Variants in LAMA4 observed in about 807,000 individuals in gnomAD.
LAMA4 encodes laminin subunit alpha 4, also known as laminin subunit alpha-4.
In LAMA4, 127 loss-of-function variants were observed where a neutral mutation model predicts 207.1. The ratio of observed to expected loss-of-function variants is 0.61; its 90% CI spans 0.53 to 0.71. The LOEUF is 0.71. Ranked by LOEUF, LAMA4 falls within the 30% of genes least tolerant of loss-of-function variation. LAMA4 has a pLI of 0.00. For synonymous variants in LAMA4, 761 were observed against 816.0 expected (o/e 0.93, Z 1.15); for missense variants, 2,093 against 2,246.5 (o/e 0.93, Z 1.38).
intron 36 of LAMA4, among the ~76,000 whole-genome samples, chr6:112,115,415 C>T (rs73541488): frequency 0.051 from 7,801 of 151,952 alleles, 671 homozygotes; most frequent in African/African-American, 0.18. Flanking sequence ...ATGAAAGTGG[C>T]ATTACAACAT....
chr6:112,154,946 G>A lies in LAMA4; in HGVS notation c.1961C>T (p.Ala654Val), dbSNP rs782806847. 37 of 1,598,888 alleles carry A rather than the reference G, an allele frequency of 2.3e-5. No homozygotes were observed. Among genetic ancestry groups the A allele is most frequent in the Admixed American group, 6.7e-5 (4 of 59,940 alleles). The change falls in exon 16 of 39, where the codon GCG (alanine) becomes GTG (valine). Residue 654 changes from alanine to valine, a missense_variant and splice_region_variant. Around this residue, in one of 3 missense-constraint regions of LAMA4, gnomAD observed 1,704 missense variants for 1,788.4 expected, o/e 0.95. Coordinates refer to ENST00000230538, the MANE Select transcript of LAMA4 (RefSeq NM_001105206.3). ...ALNTTDRIYD[A>V]VSGIDTQIIY... ...GATTTGAGTATCAATCCCACTCACC[G>A]CCTACAAAGGAATTGAGAGAAGAGG...
Position 112,241,181 on chromosome 6 carries a change from GAATATATATGAATATA to G in LAMA4, c.195+12759_195+12774del, listed in dbSNP as rs1786467999. 2.6e-5 allele frequency among the ~76,000 whole-genome samples: 3 copies of G among 113,220 alleles called. No homozygotes were observed. In the South Asian group the frequency reaches 8.1e-4, roughly 31 times the overall value. The allele number at this position is 113,220 out of a possible 152,430, so 74.3% of individuals were successfully genotyped here. ...TATATGAATATATATGAATATATAT[GAATATATATGAATATA>G]TATGATATATATGAATGTATATATA... On this transcript the variant is annotated intron_variant, in intron 2 of 38. Coordinates refer to ENST00000230538, the MANE Select transcript of LAMA4 (RefSeq NM_001105206.3).
At position 112,121,931 on chromosome 6, in the gene LAMA4, G is replaced by A. The variant is rs4945897; in HGVS notation, c.4475+83C>T. On this transcript the variant is annotated intron_variant, in intron 32 of 38. Transcript: ENST00000230538. The stretch of plus-strand genomic sequence containing the variant: ...TTAAGGTGGCACAGAAAGGAAAGAT[G>A]GGAAAAAACGATGACATGTGACAAA... 0.75 allele frequency: 915,796 copies of A among 1,224,306 alleles called. 345,115 individuals are homozygous for A. The highest frequency in any genetic ancestry group is 0.88 in the East Asian group (37,856 of 42,946). The allele number at this position is 1,224,306 out of a possible 1,614,324, so 75.8% of individuals were successfully genotyped here. A position where few individuals can be genotyped will look rare whatever the true frequency, so the allele number is the denominator to read the frequency against.
intron 31 of LAMA4, among the ~76,000 whole-genome samples, chr6:112,126,639 G>C (rs1301257836): frequency 6.6e-6 from 1 of 152,138 alleles, no homozygotes; most frequent in African/African-American, 2.4e-5. Context: ...AAGATATAAT[G>C]GTCAGTGAAA....
intron 2 of LAMA4, chr6:112,217,640 C>A (rs1373497968): frequency 1.3e-5 from 2 of 152,050 alleles, no homozygotes; most frequent in East Asian, 3.9e-4. Flanking sequence ...CACATCAGTT[C>A]ACACTTTAAA....
intron 2 of LAMA4, among the ~76,000 whole-genome samples, chr6:112,241,142 TATATATGAA>T: frequency 9.4e-6 from 1 of 105,932 alleles, no homozygotes; most frequent in Non-Finnish European, 2.1e-5. Context: ...TATAGGAATA[TATATATGAA>T]TATATATATG....
At position 112,201,637 on chromosome 6, in the gene LAMA4, G is replaced by A. The variant is rs782189528; in HGVS notation, c.474C>T (p.Asn158=). The change falls in exon 5 of 39, where the codon AAC becomes AAT. Residue 158 remains asparagine, a synonymous_variant. Coordinates refer to ENST00000230538, the MANE Select transcript of LAMA4 (RefSeq NM_001105206.3). Reference sequence around the variant, plus strand: ...CACAGTTAGGTCCAGCATAATTTTCGTTACAAATGCACCGAACAGCTCCAT... The same window carrying A: ...CACAGTTAGGTCCAGCATAATTTTCATTACAAATGCACCGAACAGCTCCAT... ...RKNGAVRCIC[N]ENYAGPNCER... is the part of the protein sequence containing the mutation. The A allele has an allele frequency of 1.8e-5, 29 of 1,613,836 alleles. No homozygotes were observed. The highest frequency in any genetic ancestry group is 4.5e-5 in the East Asian group (2 of 44,876).
At chr6:112,231,695 G>T (rs781986234) in intron 2 of LAMA4, among the ~76,000 whole-genome samples, 2 of 152,148 alleles carry the variant, frequency 1.3e-5, no homozygotes, top group Non-Finnish European at 2.9e-5. Flanking sequence ...TTTCCCTCAT[G>T]AATCAGAGGC....
At chr6:112,160,320 A>G (rs987238905) in intron 13 of LAMA4, among the ~76,000 whole-genome samples, 1 of 152,122 alleles carries the variant, frequency 6.6e-6, no homozygotes, top group Non-Finnish European at 1.5e-5. Context: ...TAAGAGGAAA[A>G]TGTTCATTTT....
At chr6:112,243,070 G>A (rs1246018350) in intron 2 of LAMA4, among the ~76,000 whole-genome samples, 3 of 152,178 alleles carry the variant, frequency 2.0e-5, no homozygotes, top group African/African-American at 7.2e-5. Context: ...GGTCATTCTG[G>A]AGGGTCCAGA....
intron 19 of LAMA4, among the ~76,000 whole-genome samples, chr6:112,143,625 A>G (rs1205225809): frequency 6.6e-6 from 1 of 152,168 alleles, no homozygotes; most frequent in Non-Finnish European, 1.5e-5. Flanking sequence ...TGGGGGATTA[A>G]AGTCTTACAT....
At chr6:112,253,754 C>A (rs573455274) in intron 2 of LAMA4, 84 of 1,613,718 alleles carry the variant, frequency 5.2e-5, no homozygotes, top group Admixed American at 8.3e-5. Context: ...CATTCCGAAG[C>A]CTCAACTTTC....
Position 112,233,939 on chromosome 6 carries a change from G to A in LAMA4, c.196-17470C>T, listed in dbSNP as rs148847104. On this transcript the variant is annotated intron_variant, in intron 2 of 38. Transcript: ENST00000230538. ...GCTTACAGTATACTCACATGGACACGCCACCCTCTCTCCACACATTGTAGA... is the reference window on the plus strand; with the variant it reads ...GCTTACAGTATACTCACATGGACACACCACCCTCTCTCCACACATTGTAGA... Among the ~76,000 whole-genome samples, 846 of 152,194 alleles carry A rather than the reference G, an allele frequency of 5.6e-3. 6 individuals are homozygous for A. Among genetic ancestry groups the A allele is most frequent in the African/African-American group, 0.018 (732 of 41,516 alleles).
At chr6:112,130,460 T>C (rs1554329373) in intron 29 of LAMA4, among the ~76,000 whole-genome samples, 1 of 152,076 alleles carries the variant, frequency 6.6e-6, no homozygotes, top group African/African-American at 2.4e-5. Flanking sequence ...AGCCTACTCA[T>C]GTTTTCTATG....
At chr6:112,111,045 A>G (rs1321984138) in intron 38 of LAMA4, among the ~76,000 whole-genome samples, 1 of 152,074 alleles carries the variant, frequency 6.6e-6, no homozygotes, top group African/African-American at 2.4e-5. Context: ...TTATTTTATT[A>G]TTATTATTAT....
At chr6:112,241,772 T>A (rs1234543069) in intron 2 of LAMA4, among the ~76,000 whole-genome samples, 1 of 152,192 alleles carries the variant, frequency 6.6e-6, no homozygotes, top group Non-Finnish European at 1.5e-5. Flanking sequence ...ACGTCGGCTC[T>A]GATAGAGAAG....
chr6:112,136,213 A>G lies in LAMA4; in HGVS notation c.3324T>C (p.His1108=), dbSNP rs782046051. The stretch of plus-strand genomic sequence containing the variant: ...CGCTGAATCCAAAATCATAGAACAC[A>G]TGTAGGTAACCATTGCGCATTTCCA... ...FRLEMRNGYL[H]VFYDFGFSGG... The change falls in exon 25 of 39, where the codon CAT becomes CAC. Residue 1108 remains histidine (H), a synonymous_variant. Coordinates refer to ENST00000230538, the MANE Select transcript of LAMA4 (RefSeq NM_001105206.3). 5 of 1,612,084 alleles carry G rather than the reference A, an allele frequency of 3.1e-6. No individual in the cohort carries two copies. Among genetic ancestry groups the G allele is most frequent in the Admixed American group, 1.7e-5 (1 of 60,000 alleles).
At chr6:112,251,558 T>C (rs1787452975) in intron 2 of LAMA4, 1 of 152,258 alleles carries the variant, frequency 6.6e-6, no homozygotes, top group Non-Finnish European at 1.5e-5. Flanking sequence ...CCATGAATAA[T>C]GTGTCCGTGT....
At chr6:112,175,277 C>T (rs1781953512) in intron 11 of LAMA4, 36 bp downstream of exon 11, 2 of 1,609,414 alleles carry the variant, frequency 1.2e-6, no homozygotes, top group Admixed American at 1.7e-5. Flanking sequence ...AGAGGGCAAA[C>T]ATGTGCTGGG....
Sources: allele counts gnomAD v4.1 joint callset (sites outside exome capture counted in the v4.1 genomes callset), GRCh38; gene constraint gnomAD v4.1.1; regional missense constraint gnomAD v4.1.1; transcripts MANE v1.5; gene names NCBI Gene and HGNC (gene_info 2026-07-23, HGNC 2026-07-21).